The following SMIM35 variants were observed in gnomAD, a reference collection of about 807,000 sequenced individuals.
The protein encoded by SMIM35 is TMPRSS4 antisense RNA 1 (non-protein coding).
At chr11:118,045,330 G>GCACACA (rs34102097) in intron 1 of SMIM35, among the ~76,000 whole-genome samples, 5,041 of 146,058 alleles carry the variant, frequency 0.035, 91 homozygotes, top group Middle Eastern at 0.07. Context: ...ATACACACAT[G>GCACACA]CACACACACA....
At chr11:118,063,925 T>C (rs1041634850) in intron 1 of SMIM35, among the ~76,000 whole-genome samples, 1 of 152,234 alleles carries the variant, frequency 6.6e-6, no homozygotes, top group African/African-American at 2.4e-5. Flanking sequence ...AGTGTTCTCC[T>C]AAGTTCTCTG....
chr11:118,074,940 A>C (rs1944632398), intron 1 of SMIM35, among the ~76,000 whole-genome samples: 1 of 152,132 alleles, frequency 6.6e-6, no homozygotes, highest in African/African-American at 2.4e-5. Flanking sequence ...ACAAACTCCC[A>C]GACCCAAATG....
At chr11:118,025,309 G>A (rs538207705) in intron 1 of SMIM35, 5 of 341,892 alleles carry the variant, frequency 1.5e-5, no homozygotes, top group Non-Finnish European at 2.3e-5. Flanking sequence ...GCAGTCAAAT[G>A]GTAGTTGTGT....
intron 3 of SMIM35, 123 bp from the exon 4 acceptor site, chr11:118,014,003 C>T: frequency 2.5e-6 from 1 of 395,582 alleles, no homozygotes; most frequent in Non-Finnish European, 4.5e-6. Context: ...AAGTGGGCCA[C>T]TTACCATAAT....
intron 1 of SMIM35, among the ~76,000 whole-genome samples, chr11:118,070,246 G>A (rs192505044): frequency 4.6e-5 from 7 of 152,078 alleles, no homozygotes; most frequent in East Asian, 1.9e-4. Context: ...GTGCGACCTC[G>A]GCTCACTGCA....
intron 1 of SMIM35, among the ~76,000 whole-genome samples, chr11:118,024,526 G>A (rs2058258393): frequency 1.3e-5 from 2 of 152,154 alleles, no homozygotes; most frequent in Non-Finnish European, 2.9e-5. Context: ...AGGCTGGAGT[G>A]CAATGGTGTG....
intron 1 of SMIM35, chr11:118,076,975 C>A: frequency 3.1e-6 from 1 of 322,100 alleles, no homozygotes; most frequent in Non-Finnish European, 5.7e-6. Flanking sequence ...GGTGTTGTTC[C>A]AGCCCCTAAG....
chr11:118,076,990 G>T (rs1944711909), intron 1 of SMIM35: 2 of 361,880 alleles, frequency 5.5e-6, no homozygotes, highest in Admixed American at 4.6e-5. Flanking sequence ...CCTAAGATAG[G>T]TGTCAGGTTA....
intron 1 of SMIM35, among the ~76,000 whole-genome samples, chr11:118,046,135 C>T (rs1318881106): frequency 6.6e-6 from 1 of 152,132 alleles, no homozygotes. Context: ...AGCCTTTGTC[C>T]TCCTCTGGAC....
intron 1 of SMIM35, among the ~76,000 whole-genome samples, chr11:118,050,997 T>G (rs1157621367): frequency 6.6e-6 from 1 of 152,218 alleles, no homozygotes; most frequent in African/African-American, 2.4e-5. Context: ...TTTCTGATTC[T>G]CATCCTTTAG....
At chr11:118,049,027 A>G (rs1046926657) in intron 1 of SMIM35, among the ~76,000 whole-genome samples, 1 of 149,008 alleles carries the variant, frequency 6.7e-6, no homozygotes, top group Non-Finnish European at 1.5e-5. Flanking sequence ...AACCAAAAAT[A>G]TATTTTTTTA....
At chr11:118,006,461 A>G (rs961817449) in intron 4 of SMIM35, 85 bp from the exon 5 acceptor site, 1 of 152,230 alleles carries the variant, frequency 6.6e-6, no homozygotes, top group Non-Finnish European at 1.5e-5. Flanking sequence ...TGCTACATGC[A>G]GTACTGACTG....
intron 1 of SMIM35, among the ~76,000 whole-genome samples, chr11:118,022,888 G>A (rs576841124): frequency 3.3e-5 from 5 of 151,836 alleles, no homozygotes; most frequent in African/African-American, 1.2e-4. Context: ...CCTTAGTGGT[G>A]AGAATAATTA....
intron 1 of SMIM35, among the ~76,000 whole-genome samples, chr11:118,050,083 G>A (rs1049199807): frequency 2.0e-5 from 3 of 152,194 alleles, no homozygotes; most frequent in African/African-American, 7.2e-5. Flanking sequence ...CTTCAGAGGA[G>A]TGTGTGCTGG....
At position 118,069,753 on chromosome 11, in the gene SMIM35, T is replaced by C. The variant is rs576860123; in HGVS notation, c.7+16998A>G. ...TGTTATCTTGGGAGCTGGTTCCCTATAAAAGGATAGAAAGAAGTTCATACA... is the reference window on the plus strand; with the variant it reads ...TGTTATCTTGGGAGCTGGTTCCCTACAAAAGGATAGAAAGAAGTTCATACA... On this transcript the variant is annotated intron_variant, in intron 1 of 4. Transcript: ENST00000689828. Among the ~76,000 whole-genome samples the C allele has an allele frequency of 2.6e-5, 4 of 152,206 alleles. No individual in the cohort carries two copies. In the South Asian group the frequency reaches 8.3e-4, roughly 32 times the overall value.
intron 3 of SMIM35, among the ~76,000 whole-genome samples, chr11:118,014,344 G>C (rs2058166308): frequency 1.3e-5 from 2 of 152,102 alleles, no homozygotes; most frequent in African/African-American, 2.4e-5. Context: ...GGAAAGGAAA[G>C]GAAGGAAGAA....
At chr11:118,015,632 A>C in intron 2 of SMIM35, 61 bp downstream of exon 2, 2 of 399,224 alleles carry the variant, frequency 5.0e-6, no homozygotes, top group Non-Finnish European at 8.8e-6. Flanking sequence ...GGCATTGCCA[A>C]CTGCTATGGG....
chr11:118,041,022 A>G (rs913557342), intron 1 of SMIM35, among the ~76,000 whole-genome samples: 1 of 151,992 alleles, frequency 6.6e-6, no homozygotes, highest in South Asian at 2.1e-4. Flanking sequence ...CTAGAGCTAC[A>G]TAGGAGTAAT....
intron 1 of SMIM35, among the ~76,000 whole-genome samples, chr11:118,045,106 G>C (rs181216363): frequency 3.2e-4 from 49 of 152,184 alleles, no homozygotes; most frequent in African/African-American, 1.2e-3. Context: ...TATTGCCCAA[G>C]GTCCAGGTTT....
Sources: allele counts gnomAD v4.1 joint callset (sites outside exome capture counted in the v4.1 genomes callset), GRCh38; gene constraint gnomAD v4.1.1; transcripts MANE v1.5; gene names NCBI Gene and HGNC (gene_info 2026-07-23, HGNC 2026-07-21).